Variants in ABTB2 observed in about 807,000 individuals in gnomAD.
ABTB2 encodes the protein ankyrin repeat and BTB/POZ domain-containing protein 2.
In ABTB2, 56 loss-of-function variants were observed where a neutral mutation model predicts 104.1. The observed-to-expected ratio is 0.54, with a 90% confidence interval of 0.43 to 0.67. The LOEUF is 0.67. Among genes scored for constraint, ABTB2 ranks in the 30% least tolerant of loss-of-function variants. The pLI is 0.00. For missense variants in ABTB2, 1,279 were observed against 1,407.7 expected, an observed-to-expected ratio of 0.91 and a Z score of 1.46; for synonymous variants, 606 against 608.2, an observed-to-expected ratio of 1.00 and a Z score of 0.05.
At chr11:34,329,590 GA>G (rs1855106408) in intron 1 of ABTB2, among the ~76,000 whole-genome samples, 1 of 152,254 alleles carries the variant, frequency 6.6e-6, no homozygotes, top group African/African-American at 2.4e-5. Flanking sequence ...CTCAAGTCCA[GA>G]ATCTTTGAGC....
intron 1 of ABTB2, among the ~76,000 whole-genome samples, chr11:34,248,942 C>T (rs1484561390): frequency 6.6e-6 from 1 of 152,096 alleles, no homozygotes; most frequent in Admixed American, 6.6e-5. Context: ...ACCAGCCTGA[C>T]CAAAATGGAG....
chr11:34,340,041 C>CAA (rs1446793506), intron 1 of ABTB2, among the ~76,000 whole-genome samples: 1 of 84,474 alleles, frequency 1.2e-5, no homozygotes, highest in East Asian at 6.3e-4. Context: ...CCCCACCATC[C>CAA]TCCAAACAAA....
intron 1 of ABTB2, among the ~76,000 whole-genome samples, chr11:34,341,327 G>T (rs1286679541): frequency 6.6e-6 from 1 of 152,144 alleles, no homozygotes; most frequent in East Asian, 1.9e-4. Context: ...AGAGCCACAA[G>T]AACCAATGGC....
intron 1 of ABTB2, among the ~76,000 whole-genome samples, chr11:34,348,030 C>T (rs1166119149): frequency 6.6e-6 from 1 of 152,204 alleles, no homozygotes; most frequent in Non-Finnish European, 1.5e-5. Context: ...ATTGCTTTGG[C>T]CTGTAATGCT....
chr11:34,214,532 C>CT (rs5790978), intron 1 of ABTB2, among the ~76,000 whole-genome samples: 3,259 of 123,076 alleles, frequency 0.026, 71 homozygotes, highest in African/African-American at 0.043. Context: ...AAAAATACCA[C>CT]TTTTTTTTTT....
intron 2 of ABTB2, among the ~76,000 whole-genome samples, chr11:34,200,889 CT>C (rs146431069): frequency 0.029 from 4,416 of 152,260 alleles, 104 homozygotes; most frequent in Non-Finnish European, 0.044. Context: ...CACAAACTTA[CT>C]GGTTTGCAGT....
intron 1 of ABTB2, among the ~76,000 whole-genome samples, chr11:34,302,055 T>A (rs1322739041): frequency 6.6e-6 from 1 of 152,144 alleles, no homozygotes; most frequent in Non-Finnish European, 1.5e-5. Context: ...AGAAAATACA[T>A]AGAAGATAAA....
At chr11:34,350,039 A>G (rs1443317950) in intron 1 of ABTB2, among the ~76,000 whole-genome samples, 1 of 152,148 alleles carries the variant, frequency 6.6e-6, no homozygotes, top group Non-Finnish European at 1.5e-5. Flanking sequence ...CAAGCCTCTC[A>G]TTTTACAGTA....
intron 1 of ABTB2, among the ~76,000 whole-genome samples, chr11:34,306,916 G>A (rs1267474): frequency 0.14 from 20,412 of 147,386 alleles, 1,779 homozygotes; most frequent in Admixed American, 0.24. Context: ...CTGGACTGAA[G>A]TGAAGCTTGC....
chr11:34,167,767 T>A (rs1236824102), intron 6 of ABTB2, 136 bp downstream of exon 6: 1 of 924,946 alleles, frequency 1.1e-6, no homozygotes, highest in African/African-American at 1.6e-5. Flanking sequence ...GTGGCCTCTG[T>A]GCATCTTGTC....
intron 1 of ABTB2, among the ~76,000 whole-genome samples, chr11:34,243,844 G>A (rs562910105): frequency 5.3e-5 from 8 of 152,260 alleles, no homozygotes; most frequent in South Asian, 4.2e-4. Context: ...GGGTATCAGC[G>A]TGGTGACTCA....
chr11:34,357,938 G>A lies in ABTB2; in HGVS notation c.-355C>T, dbSNP rs1258174073. The stretch of plus-strand genomic sequence containing the variant: ...AGGGCGGCGGCGGCAGAAGGAGGAG[G>A]CGGCGGCGCAGGGCGCAGGGCGCAG... On this transcript the variant is annotated 5_prime_UTR_variant, in exon 1 of 17. Coordinates refer to ENST00000435224, the MANE Select transcript of ABTB2 (RefSeq NM_145804.3). The A allele has an allele frequency of 1.3e-5, 3 of 236,134 alleles. No homozygotes were observed. The highest frequency in any genetic ancestry group is 4.5e-5 in the African/African-American group (2 of 44,156). 14.6% of individuals were successfully genotyped at this position (236,134 alleles called of 1,614,324 possible). A position where few individuals can be genotyped will look rare whatever the true frequency, so the allele number is the denominator to read the frequency against.
At chr11:34,331,213 G>A (rs1350520227) in intron 1 of ABTB2, among the ~76,000 whole-genome samples, 1 of 152,146 alleles carries the variant, frequency 6.6e-6, no homozygotes, top group African/African-American at 2.4e-5. Flanking sequence ...TTAGTTTGGA[G>A]GCATTTTAAA....
chr11:34,316,397 A>G (rs1854931181), intron 1 of ABTB2, among the ~76,000 whole-genome samples: 1 of 152,240 alleles, frequency 6.6e-6, no homozygotes, highest in Non-Finnish European at 1.5e-5. Flanking sequence ...ATTTCATTTT[A>G]AACTCAACTT....
chr11:34,271,965 A>G lies in ABTB2; in HGVS notation c.884-67275T>C, dbSNP rs536345707. ...GGCTCTGTGCTTGCCAAGCAAACAC[A>G]TGGAAATCAACATTTACAGAACATC... On this transcript the variant is annotated intron_variant, in intron 1 of 16. Coordinates refer to ENST00000435224, the MANE Select transcript of ABTB2 (RefSeq NM_145804.3). Among the ~76,000 whole-genome samples the G allele has an allele frequency of 3.9e-3, 601 of 152,308 alleles. 8 individuals are homozygous for G. Among genetic ancestry groups the G allele is most frequent in the African/African-American group, 0.014 (573 of 41,568 alleles).
intron 1 of ABTB2, among the ~76,000 whole-genome samples, chr11:34,340,816 G>C (rs541849933): frequency 6.6e-6 from 1 of 152,206 alleles, no homozygotes; most frequent in Non-Finnish European, 1.5e-5. Flanking sequence ...ACCTCCCATG[G>C]TGGAAGAAAC....
chr11:34,160,090 C>T lies in ABTB2; in HGVS notation c.2504-82G>A. ...CTTGAGTGTGCTGTGAGGTGCGTGT[C>T]TGGGGTTGGGGGTGGGACACAGAGG... On this transcript the variant is annotated intron_variant, in intron 12 of 16. Coordinates refer to ENST00000435224, the MANE Select transcript of ABTB2 (RefSeq NM_145804.3). 2.2e-6 allele frequency: 3 copies of T among 1,336,762 alleles called. No individual in the cohort carries two copies. The South Asian group carries it at 3.7e-5, about 16-fold the overall frequency. The allele number at this position is 1,336,762 out of a possible 1,614,324, so 82.8% of individuals were successfully genotyped here.
chr11:34,336,635 C>T (rs1471327029), intron 1 of ABTB2, among the ~76,000 whole-genome samples: 1 of 151,554 alleles, frequency 6.6e-6, no homozygotes, highest in Non-Finnish European at 1.5e-5. Context: ...AGAGGGAGGC[C>T]CTGTCTCAAA....
chr11:34,229,298 C>G (rs1256042508), intron 1 of ABTB2, among the ~76,000 whole-genome samples: 1 of 151,338 alleles, frequency 6.6e-6, no homozygotes, highest in East Asian at 2.0e-4. Flanking sequence ...CTGGCTAACA[C>G]GATGAAACCC....
Sources: gnomAD v4.1 joint callset for allele counts (sites outside exome capture counted in the v4.1 genomes callset) on GRCh38, gnomAD v4.1.1 for gene constraint, MANE v1.5 for transcripts, NCBI Gene and HGNC (gene_info 2026-07-23, HGNC 2026-07-21) for gene names.